BRINP3: variants seen among roughly 807,000 people sequenced by gnomAD.
BRINP3 encodes the protein BMP/retinoic acid inducible neural specific 3.
Under a neutral mutation model 71.0 loss-of-function variants are expected in BRINP3, and 19 were observed. The ratio of observed to expected loss-of-function variants is 0.27; its 90% CI spans 0.19 to 0.39. The LOEUF is 0.39. Ranked by LOEUF, BRINP3 falls within the 10% of genes least tolerant of loss-of-function variation. The pLI, the probability that BRINP3 is intolerant of heterozygous loss-of-function variation, is 1.00. For missense variants in BRINP3, 959 were observed against 940.8 expected (o/e 1.02, Z -0.25); for synonymous variants, 380 against 337.7 (o/e 1.13, Z -1.37).
chr1:190,191,949 AAT>A (rs1654072352), intron 6 of BRINP3, among the ~76,000 whole-genome samples: 4 of 152,138 alleles, frequency 2.6e-5, no homozygotes, highest in South Asian at 2.1e-4. Flanking sequence ...ACATATAATT[AAT>A]ATGTTAGTTA....
At chr1:190,212,722 A>G (rs1035696564) in intron 6 of BRINP3, among the ~76,000 whole-genome samples, 6 of 152,102 alleles carry the variant, frequency 3.9e-5, no homozygotes, top group African/African-American at 1.2e-4. Context: ...CACACATTAC[A>G]TAAGAGCCAG....
At chr1:190,301,043 GTTAC>G (rs1558160037) in intron 2 of BRINP3, among the ~76,000 whole-genome samples, 1 of 150,992 alleles carries the variant, frequency 6.6e-6, no homozygotes, top group African/African-American at 2.4e-5. Context: ...AATTTAAAGA[GTTAC>G]TTGAATAGTT....
At chr1:190,425,893 G>A (rs1274641173) in intron 2 of BRINP3, among the ~76,000 whole-genome samples, 2 of 151,572 alleles carry the variant, frequency 1.3e-5, no homozygotes, top group Non-Finnish European at 3.0e-5. Context: ...CTTTCAACAG[G>A]AAGCCAATAA....
intron 2 of BRINP3, among the ~76,000 whole-genome samples, chr1:190,283,887 T>C (rs1319546042): frequency 6.6e-6 from 1 of 151,780 alleles, no homozygotes; most frequent in African/African-American, 2.4e-5. Context: ...ATTTAATCAA[T>C]AGAGTAACAT....
chr1:190,165,496 T>G (rs1005419740), intron 6 of BRINP3, among the ~76,000 whole-genome samples: 1 of 141,634 alleles, frequency 7.1e-6, no homozygotes, highest in African/African-American at 2.6e-5. Context: ...GTGTGTGTGT[T>G]TTGCTGTTGT....
intron 7 of BRINP3, among the ~76,000 whole-genome samples, chr1:190,148,444 A>T (rs973452906): frequency 6.6e-6 from 1 of 151,696 alleles, no homozygotes; most frequent in Non-Finnish European, 1.5e-5. Context: ...ATACAAAAAA[A>T]AACTAGCCGG....
At chr1:190,120,694 G>A (rs939332361) in intron 7 of BRINP3, among the ~76,000 whole-genome samples, 4 of 150,554 alleles carry the variant, frequency 2.7e-5, no homozygotes, top group Admixed American at 6.6e-5. Flanking sequence ...TAGTAAAGAC[G>A]GAATTTCAAC....
chr1:190,258,272 G>A (rs921408937), intron 4 of BRINP3, among the ~76,000 whole-genome samples: 1 of 152,172 alleles, frequency 6.6e-6, no homozygotes, highest in Admixed American at 6.5e-5. Context: ...AAGGCTCCGT[G>A]GGCATGGGAC....
intron 6 of BRINP3, among the ~76,000 whole-genome samples, chr1:190,225,786 G>A (rs955432744): frequency 1.3e-5 from 2 of 151,906 alleles, no homozygotes; most frequent in African/African-American, 2.4e-5. Context: ...AAAAACCTCA[G>A]AGGTATCAGA....
At chr1:190,278,901 CA>C (rs1455014123) in intron 3 of BRINP3, among the ~76,000 whole-genome samples, 1 of 150,930 alleles carries the variant, frequency 6.6e-6, no homozygotes, top group Non-Finnish European at 1.5e-5. Context: ...ATCTTAAGGC[CA>C]AAATGTGGCA....
At chr1:190,426,194 A>G (rs1673695219) in intron 2 of BRINP3, among the ~76,000 whole-genome samples, 1 of 151,776 alleles carries the variant, frequency 6.6e-6, no homozygotes, top group Non-Finnish European at 1.5e-5. Context: ...TTTCTAAGTG[A>G]AGAAGTAAAA....
chr1:190,307,025 T>A (rs531299293), intron 2 of BRINP3, among the ~76,000 whole-genome samples: 1 of 151,674 alleles, frequency 6.6e-6, no homozygotes, highest in Non-Finnish European at 1.5e-5. Flanking sequence ...GAGCACATAT[T>A]GTTTAAACTC....
At chr1:190,383,435 C>G (rs1487229028) in intron 2 of BRINP3, among the ~76,000 whole-genome samples, 1 of 152,028 alleles carries the variant, frequency 6.6e-6, no homozygotes, top group African/African-American at 2.4e-5. Context: ...CTAGCAAGAA[C>G]TACTATCTAA....
At chr1:190,361,258 G>C (rs902711460) in intron 2 of BRINP3, among the ~76,000 whole-genome samples, 2 of 151,966 alleles carry the variant, frequency 1.3e-5, no homozygotes, top group African/African-American at 4.8e-5. Flanking sequence ...TAATCAAGTA[G>C]GTTTTTGATG....
chr1:190,357,745 T>C (rs1002663136), intron 2 of BRINP3, among the ~76,000 whole-genome samples: 1 of 151,928 alleles, frequency 6.6e-6, no homozygotes, highest in East Asian at 1.9e-4. Flanking sequence ...ATTGAATCTA[T>C]AAATTACCTT....
At chr1:190,364,297 A>G (rs892940677) in intron 2 of BRINP3, among the ~76,000 whole-genome samples, 1 of 152,126 alleles carries the variant, frequency 6.6e-6, no homozygotes, top group Non-Finnish European at 1.5e-5. Flanking sequence ...GGTCTGTATC[A>G]GGAATCTACC....
At chr1:190,105,543 A>C (rs1652078650) in intron 7 of BRINP3, among the ~76,000 whole-genome samples, 1 of 152,112 alleles carries the variant, frequency 6.6e-6, no homozygotes, top group Non-Finnish European at 1.5e-5. Context: ...ATCCTAACAT[A>C]AATAAACACA....
At chr1:190,327,352 G>GAA (rs796445574) in intron 2 of BRINP3, among the ~76,000 whole-genome samples, 1 of 77,444 alleles carries the variant, frequency 1.3e-5, no homozygotes, top group Non-Finnish European at 2.8e-5. Flanking sequence ...AAAAAAAAAG[G>GAA]AAAAAAAAAA....
intron 2 of BRINP3, among the ~76,000 whole-genome samples, chr1:190,323,821 T>C (rs1055986925): frequency 2.0e-5 from 3 of 151,966 alleles, no homozygotes; most frequent in Non-Finnish European, 4.4e-5. Flanking sequence ...TTCAGCTTCA[T>C]AGCTTGAAAG....
Sources: gnomAD v4.1 joint callset for allele counts (sites outside exome capture counted in the v4.1 genomes callset) on GRCh38, gnomAD v4.1.1 for gene constraint, MANE v1.5 for transcripts, NCBI Gene and HGNC (gene_info 2026-07-23, HGNC 2026-07-21) for gene names.